The following CSGALNACT2 variants were observed in gnomAD, a reference collection of about 807,000 sequenced individuals.
CSGALNACT2 encodes the protein chondroitin sulfate N-acetylgalactosaminyltransferase 2, also known as beta 4 GalNAcT-2.
A neutral mutation model predicts 55.3 loss-of-function variants in CSGALNACT2; 35 were observed. That is an observed-to-expected ratio of 0.63 (90% confidence interval 0.48 to 0.84). The LOEUF is 0.84. CSGALNACT2 is among the 40% of genes least tolerant of loss of function. The pLI is 0.00. For missense variants in CSGALNACT2, 544 were observed against 657.5 expected (o/e 0.83, Z 1.89); for synonymous variants, 196 against 224.9 (o/e 0.87, Z 1.15).
intron 1 of CSGALNACT2, 118 bp downstream of exon 1, chr10:43,138,685 C>G (rs540311919): frequency 2.6e-5 from 4 of 151,968 alleles, no homozygotes; most frequent in South Asian, 2.1e-4. Flanking sequence ...CCTAGCGGAC[C>G]GGTCCTGCGG....
chr10:43,175,605 G>T (rs1588913181), intron 6 of CSGALNACT2, among the ~76,000 whole-genome samples: 1 of 152,162 alleles, frequency 6.6e-6, no homozygotes, highest in Non-Finnish European at 1.5e-5. Flanking sequence ...ATCAGGAAGG[G>T]GGTTGGGGGA....
intron 1 of CSGALNACT2, among the ~76,000 whole-genome samples, chr10:43,149,666 G>A (rs1838833728): frequency 6.6e-6 from 1 of 152,188 alleles, no homozygotes; most frequent in South Asian, 2.1e-4. Context: ...TTCTTTTAAT[G>A]TCTGGATTTG....
chr10:43,166,988 A>G lies in CSGALNACT2; in HGVS notation c.1160-16A>G, dbSNP rs956558030. 6.0e-6 allele frequency: 9 copies of G among 1,504,244 alleles called. No individual in the cohort carries two copies. Among genetic ancestry groups the G allele is most frequent in the South Asian group, 1.1e-5 (1 of 87,206 alleles). The allele number at this position is 1,504,244 out of a possible 1,614,324, so 93.2% of individuals were successfully genotyped here. A position where few individuals can be genotyped will look rare whatever the true frequency, so the allele number is the denominator to read the frequency against. ...TAACTTCTTTTTATGTTACAAACCT[A>G]TATTTTAATTTGTAGGTAAGAAGGT... On this transcript the variant is annotated splice_polypyrimidine_tract_variant and intron_variant, in intron 5 of 7. Coordinates refer to ENST00000374466, the MANE Select transcript of CSGALNACT2 (RefSeq NM_018590.5).
intron 4 of CSGALNACT2, among the ~76,000 whole-genome samples, chr10:43,161,762 T>C (rs1462235772): frequency 3.3e-5 from 5 of 152,234 alleles, no homozygotes; most frequent in Admixed American, 3.3e-4. Context: ...CTTTTACTTA[T>C]TCTTTGCCTC....
chr10:43,165,081 C>T (rs967362484), intron 5 of CSGALNACT2, among the ~76,000 whole-genome samples: 14 of 151,834 alleles, frequency 9.2e-5, no homozygotes, highest in African/African-American at 2.4e-4. Flanking sequence ...AAAAATTATC[C>T]GGTCGTGGTG....
intron 6 of CSGALNACT2, among the ~76,000 whole-genome samples, chr10:43,175,325 A>G (rs1022328397): frequency 6.6e-6 from 1 of 152,194 alleles, no homozygotes; most frequent in African/African-American, 2.4e-5. Flanking sequence ...CCCTACGACC[A>G]AATGTCCTTT....
At chr10:43,166,049 G>T (rs931047064) in intron 5 of CSGALNACT2, among the ~76,000 whole-genome samples, 6 of 152,160 alleles carry the variant, frequency 3.9e-5, no homozygotes, top group African/African-American at 1.4e-4. Flanking sequence ...ATATGCAAAT[G>T]ATTGCCTTCT....
chr10:43,176,027 C>T lies in CSGALNACT2; in HGVS notation c.1331C>T (p.Thr444Ile), dbSNP rs1839475189. Residue 444 changes from threonine to isoleucine, a missense_variant, in exon 7 of 8, where the codon ACC (threonine) becomes ATC (isoleucine). Around this residue, in one of 2 missense-constraint regions of CSGALNACT2, gnomAD observed 170 missense variants for 256.2 expected, o/e 0.66. Coordinates refer to ENST00000374466, the MANE Select transcript of CSGALNACT2 (RefSeq NM_018590.5). ...TGTCAGTATCGTTCAGATTTCCTGA[C>T]CATTGGTAAGTATACTTTACATTTA... ...MTCQYRSDFL[T>I]IGGFDMEVKG... The T allele has an allele frequency of 1.2e-6, 2 of 1,604,604 alleles. No homozygotes were observed. Among genetic ancestry groups the T allele is most frequent in the Non-Finnish European group, 1.7e-6 (2 of 1,176,426 alleles).
At chr10:43,158,979 C>T in intron 3 of CSGALNACT2, 48 bp downstream of exon 3, 1 of 1,135,312 alleles carries the variant, frequency 8.8e-7, no homozygotes, top group Non-Finnish European at 1.3e-6. Flanking sequence ...TAAAAAAAAT[C>T]ACGTTTTACT....
chr10:43,156,028 G>A (rs899078937), intron 2 of CSGALNACT2, among the ~76,000 whole-genome samples: 2 of 152,168 alleles, frequency 1.3e-5, no homozygotes, highest in African/African-American at 4.8e-5. Flanking sequence ...CTGGAAAAAG[G>A]TATGAGATCA....
intron 6 of CSGALNACT2, among the ~76,000 whole-genome samples, chr10:43,172,169 A>G (rs1839395759): frequency 6.6e-6 from 1 of 152,232 alleles, no homozygotes; most frequent in Non-Finnish European, 1.5e-5. Flanking sequence ...TGATGGTAAT[A>G]TGCATAAATT....
rs1441313857 is a variant in CSGALNACT2, at chr10:43,158,827, G to A, written c.774G>A (p.Met258Ile). Residue 258 changes from methionine (M) to isoleucine (I), a missense_variant, in exon 3 of 8, where the codon ATG becomes ATA. Physicochemically the swap from Met to Ile is conservative, Grantham distance 10. Coordinates refer to ENST00000374466, the MANE Select transcript of CSGALNACT2 (RefSeq NM_018590.5). ...TCTTCCGCCCTTTTGGACCTCTCAT[G>A]AAAGTGAAGAGTGAGATGATTGACA... is the stretch of plus-strand genomic sequence containing the variant. ...VTLFRPFGPL[M>I]KVKSEMIDIT... is the part of the protein sequence containing the mutation. 1 of 1,610,900 alleles carries A rather than the reference G, an allele frequency of 6.2e-7. No homozygotes were observed. The highest frequency in any genetic ancestry group is 1.7e-5 in the Admixed American group (1 of 60,018).
At chr10:43,153,915 T>G (rs1413475327) in intron 1 of CSGALNACT2, among the ~76,000 whole-genome samples, 1 of 152,240 alleles carries the variant, frequency 6.6e-6, no homozygotes, top group Non-Finnish European at 1.5e-5. Context: ...TCCAAACCTT[T>G]CTAGACTTGT....
At chr10:43,180,096 G>A (rs1356050850) in intron 7 of CSGALNACT2, among the ~76,000 whole-genome samples, 1 of 152,186 alleles carries the variant, frequency 6.6e-6, no homozygotes, top group Non-Finnish European at 1.5e-5. Flanking sequence ...AGGACCCCCA[G>A]TATTCTCAGC....
At chr10:43,172,054 G>A (rs1281258226) in intron 6 of CSGALNACT2, among the ~76,000 whole-genome samples, 3 of 152,128 alleles carry the variant, frequency 2.0e-5, no homozygotes, top group Non-Finnish European at 4.4e-5. Flanking sequence ...CGCTTCTGTT[G>A]GGGATTCAGG....
intron 1 of CSGALNACT2, among the ~76,000 whole-genome samples, chr10:43,154,484 A>G (rs1364731899): frequency 6.6e-6 from 1 of 152,202 alleles, no homozygotes; most frequent in African/African-American, 2.4e-5. Context: ...CTGTAATCCC[A>G]GCACTTTGGG....
chr10:43,171,354 CTT>C (rs755082076), intron 6 of CSGALNACT2, among the ~76,000 whole-genome samples: 15 of 142,086 alleles, frequency 1.1e-4, no homozygotes, highest in Admixed American at 7.1e-5. Flanking sequence ...TGCTAATACT[CTT>C]TTTTTTTTTT....
intron 2 of CSGALNACT2, 56 bp from the exon 3 acceptor site, chr10:43,158,659 A>G (rs1839071897): frequency 6.8e-6 from 7 of 1,027,262 alleles, no homozygotes; most frequent in Admixed American, 3.8e-5. Flanking sequence ...CTGTCTTCCC[A>G]TTGAATTTGT....
At chr10:43,159,741 T>C (rs1205075657) in intron 3 of CSGALNACT2, among the ~76,000 whole-genome samples, 1 of 152,226 alleles carries the variant, frequency 6.6e-6, no homozygotes, top group East Asian at 1.9e-4. Context: ...GCTGAAGTGT[T>C]AAATAATTAT....
Sources: gnomAD v4.1 joint callset for allele counts (sites outside exome capture counted in the v4.1 genomes callset) on GRCh38, gnomAD v4.1.1 for gene constraint, gnomAD v4.1.1 regional missense constraint, MANE v1.5 for transcripts, NCBI Gene and HGNC (gene_info 2026-07-23, HGNC 2026-07-21) for gene names.